Variants in DIPK1C observed in about 807,000 individuals in gnomAD.
DIPK1C encodes the protein divergent protein kinase domain 1C, also known as familial non-conventional Alzheimer's dementia.
In DIPK1C, 33 loss-of-function variants were observed where a neutral mutation model predicts 28.0. The ratio of observed to expected loss-of-function variants is 1.18; its 90% confidence interval spans 0.89 to 1.58. The LOEUF (loss-of-function observed/expected upper bound fraction) is 1.58, where lower values mean the gene tolerates loss of function less well. Ranked by LOEUF, DIPK1C falls within the 40% of genes most tolerant of loss-of-function variation. The pLI is 0.00. For synonymous variants in DIPK1C, 255 were observed against 248.8 expected (o/e 1.02, Z -0.23); for missense variants, 569 against 568.5 (o/e 1.00, Z -0.01).
intron 1 of DIPK1C, among the ~76,000 whole-genome samples, chr18:74,451,484 CA>C (rs1162812330): frequency 6.6e-6 from 1 of 152,190 alleles, no homozygotes; most frequent in East Asian, 1.9e-4. Flanking sequence ...GTGTTTAACA[CA>C]AACTGTGCCT....
chr18:74,441,513 C>G (rs918007908), intron 3 of DIPK1C, among the ~76,000 whole-genome samples: 1 of 152,216 alleles, frequency 6.6e-6, no homozygotes, highest in African/African-American at 2.4e-5. Context: ...TAAACCACCT[C>G]CTGGTCCTGA....
At chr18:74,462,661 T>A (rs543842501), upstream of DIPK1C, among the ~76,000 whole-genome samples, 167 of 150,890 alleles carry the variant, frequency 1.1e-3, no homozygotes, top group African/African-American at 4.0e-3. Context: ...CATATATGTT[T>A]TGCTTAAAAA....
chr18:74,456,494 A>G (rs970341582), intron 1 of DIPK1C, among the ~76,000 whole-genome samples: 2 of 152,252 alleles, frequency 1.3e-5, no homozygotes, highest in African/African-American at 4.8e-5. Flanking sequence ...GTCGGTTCCC[A>G]CAGACCGCGA....
chr18:74,446,558 CG>C, intron 2 of DIPK1C, 47 bp downstream of exon 2: 1 of 1,380,054 alleles, frequency 7.2e-7, no homozygotes, highest in Non-Finnish European at 9.4e-7. Flanking sequence ...CCTCCAGACC[CG>C]AGAGCTCCGT....
At chr18:74,448,472 G>A (rs1986323079) in intron 1 of DIPK1C, among the ~76,000 whole-genome samples, 1 of 152,154 alleles carries the variant, frequency 6.6e-6, no homozygotes, top group South Asian at 2.1e-4. Context: ...GCAGCTTGGT[G>A]CTGGGACAAA....
rs185393235 is a variant in DIPK1C at position 74,449,564 on chromosome 18, G to A, written c.199-2281C>T. 1.6e-4 allele frequency among the ~76,000 whole-genome samples: 25 copies of A among 152,324 alleles called. No homozygotes were observed. The East Asian group carries it at 4.2e-3, about 26-fold the overall frequency. On this transcript the variant is annotated intron_variant, in intron 1 of 3. Coordinates refer to ENST00000343998, the MANE Select transcript of DIPK1C (RefSeq NM_001044369.3). ...GACTGCCCCCCTGGCTTCCTGCTGC[G>A]GGGGTGCTCCTGCCAGCCGCTGCAT...
the DIPK1C span, among the ~76,000 whole-genome samples, chr18:74,463,547 G>T: frequency 3.3e-5 from 5 of 152,092 alleles, no homozygotes; most frequent in Non-Finnish European, 5.9e-5. Flanking sequence ...GAGACAGGAG[G>T]AGTCCTACTG....
At chr18:74,437,189 G>A (rs981093232) in intron 3 of DIPK1C, among the ~76,000 whole-genome samples, 6 of 152,156 alleles carry the variant, frequency 3.9e-5, no homozygotes, top group Admixed American at 1.3e-4. Context: ...CCATCTGACC[G>A]GGCTGTCCAG....
chr18:74,464,007 T>C, the DIPK1C span, among the ~76,000 whole-genome samples: 20 of 152,152 alleles, frequency 1.3e-4, no homozygotes, highest in Non-Finnish European at 2.5e-4. Context: ...TAGATTCCCC[T>C]TACCAAAGGA....
At position 74,436,694 on chromosome 18, in the gene DIPK1C, T is replaced by C. The variant is rs778627012; in HGVS notation, c.1067A>G (p.His356Arg). ...GCTCTTGAGAGGCGCGGAAAACCAA[T>C]GGCGAAATATTTTGTCACAGATGAC... ...LQVICDKIFRHWFSAPLKSSA... is the reference protein window; with the variant it reads ...LQVICDKIFRRWFSAPLKSSA... Residue 356 changes from histidine to arginine, a missense_variant, in exon 4 of 4, where the codon CAT (histidine) becomes CGT (arginine). His to Arg is a conservative substitution (Grantham distance 29, BLOSUM62 0). Coordinates refer to ENST00000343998, the MANE Select transcript of DIPK1C (RefSeq NM_001044369.3). The C allele has an allele frequency of 5.0e-6, 8 of 1,613,148 alleles. No homozygotes were observed. In the South Asian group the frequency reaches 6.6e-5, roughly 13 times the overall value.
upstream of DIPK1C, among the ~76,000 whole-genome samples, chr18:74,461,363 C>CCTTCCTTCCTTCCTTT (rs1568268274): frequency 6.8e-6 from 1 of 147,190 alleles, no homozygotes; most frequent in African/African-American, 2.5e-5. Flanking sequence ...TTCCTTCCTT[C>CCTTCCTTCCTTCCTTT]CTTCCTTCCT....
chr18:74,441,917 C>A, intron 3 of DIPK1C, 35 bp downstream of exon 3: 1 of 1,599,072 alleles, frequency 6.3e-7, no homozygotes, highest in Non-Finnish European at 8.5e-7. Context: ...CCAAAGAGCA[C>A]CCTCTCCTCC....
At position 74,436,456 on chromosome 18, in the gene DIPK1C, CA is replaced by C. The variant is rs1176587042; in HGVS notation, c.*44del. On this transcript the variant is annotated 3_prime_UTR_variant, in exon 4 of 4. Coordinates refer to ENST00000343998, the MANE Select transcript of DIPK1C (RefSeq NM_001044369.3). ...AAAACAATGGCAGAAGAAATCCAGC[CA>C]AGGTCACTTTTCCTGTGTGAGCATG... The C allele has an allele frequency of 8.6e-6, 13 of 1,510,356 alleles. No homozygotes were observed. Among genetic ancestry groups the C allele is most frequent in the Non-Finnish European group, 1.2e-5 (13 of 1,121,630 alleles). The allele number at this position is 1,510,356 out of a possible 1,614,324, so 93.6% of individuals were successfully genotyped here.
chr18:74,447,035 CA>C lies in DIPK1C; in HGVS notation c.446del (p.Leu149ArgfsTer57), dbSNP rs1986284642. The C allele has an allele frequency of 6.5e-7, 1 of 1,548,598 alleles. No individual in the cohort carries two copies. The highest frequency in any genetic ancestry group is 1.4e-5 in the African/African-American group (1 of 73,012). Reference sequence around the variant, plus strand: ...CGCTCTTGACCTCCCCAGCCACCATCAGGAGGAGTTCGGCCTCGGGCATGTC... The same window carrying C: ...CGCTCTTGACCTCCCCAGCCACCATCGGAGGAGTTCGGCCTCGGGCATGTC... ...GQDMPEAELLLMVAGEVKSAL... is the reference protein window; with the variant it reads ...GQDMPEAELLXMVAGEVKSAL... On this transcript the variant is annotated frameshift_variant, in exon 2 of 4. Coordinates refer to ENST00000343998, the MANE Select transcript of DIPK1C (RefSeq NM_001044369.3). LOFTEE classifies it high-confidence loss of function. The surrounding 1 kb of genome is among the most constrained non-coding windows in gnomAD (Gnocchi z 4.1).
At chr18:74,448,202 T>G (rs1398037987) in intron 1 of DIPK1C, among the ~76,000 whole-genome samples, 1 of 152,158 alleles carries the variant, frequency 6.6e-6, no homozygotes, top group Non-Finnish European at 1.5e-5. Flanking sequence ...TCTTTTGTTT[T>G]TCAGAAAATC....
intron 2 of DIPK1C, among the ~76,000 whole-genome samples, chr18:74,445,711 G>A (rs113250540): frequency 8.5e-5 from 13 of 152,298 alleles, no homozygotes; most frequent in South Asian, 8.3e-4. Flanking sequence ...TTCAGCTGCC[G>A]GCACTGGCCG....
intron 2 of DIPK1C, among the ~76,000 whole-genome samples, 165 bp from the exon 3 acceptor site, chr18:74,442,281 G>T (rs1253682696): frequency 1.3e-5 from 2 of 152,142 alleles, no homozygotes; most frequent in Admixed American, 1.3e-4. Flanking sequence ...ATGCCCTGGG[G>T]AGTGGATTCA....
At chr18:74,438,588 A>G (rs1283535811) in intron 3 of DIPK1C, among the ~76,000 whole-genome samples, 5 of 152,224 alleles carry the variant, frequency 3.3e-5, no homozygotes, top group Admixed American at 6.5e-5. Context: ...TTTAATTTGC[A>G]TCTTTCTTAG....
chr18:74,445,730 T>C (rs1373760276), intron 2 of DIPK1C, among the ~76,000 whole-genome samples: 1 of 152,186 alleles, frequency 6.6e-6, no homozygotes, highest in East Asian at 1.9e-4. Context: ...CGCCTAAGAA[T>C]GAACTCGTTA....
Sources: allele counts gnomAD v4.1 joint callset (sites outside exome capture counted in the v4.1 genomes callset), GRCh38; gene constraint gnomAD v4.1.1; non-coding constraint Gnocchi (gnomAD v3.1); transcripts MANE v1.5; gene names NCBI Gene and HGNC (gene_info 2026-07-23, HGNC 2026-07-21).